The following HAPLN3 variants were observed in gnomAD, a reference collection of about 807,000 sequenced individuals.
The protein encoded by HAPLN3 is hyaluronan and proteoglycan link protein 3.
In HAPLN3, 28 loss-of-function variants were observed where a neutral mutation model predicts 28.1. That is an observed-to-expected ratio of 1.00 (90% CI 0.74 to 1.37). The LOEUF (loss-of-function observed/expected upper bound fraction) is 1.37, where lower values mean the gene tolerates loss of function less well. Ranked by LOEUF, HAPLN3 falls within the 40% of genes most tolerant of loss-of-function variation. HAPLN3 has a pLI of 0.00. For missense variants in HAPLN3, 513 were observed against 504.6 expected (o/e 1.02, Z -0.16); for synonymous variants, 211 against 213.1 (o/e 0.99, Z 0.09).
rs1897636539 is a variant in HAPLN3 at position 88,879,456 on chromosome 15, G to A, written c.494-187C>T. ...CCGCCTCTCTCCTGGGACTCAGCTG[G>A]TTCACAGCAGTACTCAGAAAACATC... On this transcript the variant is annotated intron_variant, in intron 3 of 4. Transcript: ENST00000359595. This position sits in a 1 kb window ranked among gnomAD's most constrained non-coding sequence, Gnocchi z 5.0. 6.5e-7 allele frequency: 1 copy of A among 1,533,494 alleles called. No homozygotes were observed. 95.0% of individuals were successfully genotyped at this position (1,533,494 alleles called of 1,614,324 possible).
intron 1 of HAPLN3, among the ~76,000 whole-genome samples, chr15:88,889,587 C>T (rs1432036900): frequency 1.3e-5 from 2 of 152,194 alleles, no homozygotes; most frequent in South Asian, 4.1e-4. Flanking sequence ...CCGCCCACCT[C>T]GGCCTCCCAA....
chr15:88,891,175 C>T (rs946866292), intron 1 of HAPLN3, among the ~76,000 whole-genome samples: 6 of 151,732 alleles, frequency 4.0e-5, no homozygotes, highest in South Asian at 2.1e-4. Context: ...CCACTGCACC[C>T]GGCCTGCATC....
chr15:88,894,785 A>C (rs957558052), intron 1 of HAPLN3, among the ~76,000 whole-genome samples: 10 of 152,094 alleles, frequency 6.6e-5, no homozygotes, highest in Non-Finnish European at 1.3e-4. Flanking sequence ...CTGTTTCCAT[A>C]CTGGCTGCGC....
At chr15:88,894,608 G>A (rs1459280599) in intron 1 of HAPLN3, among the ~76,000 whole-genome samples, 2 of 152,148 alleles carry the variant, frequency 1.3e-5, no homozygotes, top group East Asian at 1.9e-4. Context: ...CCCGGGCGGC[G>A]TCGAGGGAGA....
rs561605803 is a variant in HAPLN3, at chr15:88,880,053, C to T, written c.494-784G>A. On this transcript the variant is annotated intron_variant, in intron 3 of 4. Transcript: ENST00000359595. The surrounding 1 kb of genome is among the most constrained non-coding windows in gnomAD (Gnocchi z 6.0). The stretch of plus-strand genomic sequence containing the variant: ...AGGAACAGCCTGAGCCCCAAACCTC[C>T]GATCTCACCAGGGCCGGAAGCCAGG... The T allele has an allele frequency of 2.4e-5, 24 of 993,948 alleles. No individual in the cohort carries two copies. Among genetic ancestry groups the T allele is most frequent in the East Asian group, 1.1e-4 (1 of 9,102 alleles). 61.6% of individuals were successfully genotyped at this position (993,948 alleles called of 1,614,324 possible). A position where few individuals can be genotyped will look rare whatever the true frequency, so the allele number is the denominator to read the frequency against.
At chr15:88,889,556 G>C (rs1029268585) in intron 1 of HAPLN3, among the ~76,000 whole-genome samples, 6 of 152,102 alleles carry the variant, frequency 3.9e-5, no homozygotes, top group Non-Finnish European at 7.4e-5. Flanking sequence ...GGCTGGTCTC[G>C]AACTCCTCGC....
chr15:88,895,412 C>T lies in HAPLN3; in HGVS notation c.-48+47G>A, dbSNP rs896374393. 23 of 152,570 alleles carry T rather than the reference C, an allele frequency of 1.5e-4. No individual in the cohort carries two copies. The highest frequency in any genetic ancestry group is 5.1e-4 in the African/African-American group (21 of 41,556). The allele number at this position is 152,570 out of a possible 1,614,324, so 9.5% of individuals were successfully genotyped here. ...CACCCAAAGCGGTAAGGGAGGAACC[C>T]GGCCCGCACACAGCCCCAGAAGCCC... On this transcript the variant is annotated intron_variant, in intron 1 of 4. Coordinates refer to ENST00000359595, the MANE Select transcript of HAPLN3 (RefSeq NM_178232.4). The surrounding 1 kb of genome is among the most constrained non-coding windows in gnomAD (Gnocchi z 5.5).
intron 1 of HAPLN3, among the ~76,000 whole-genome samples, chr15:88,894,049 A>G (rs58737069): frequency 0.026 from 3,941 of 152,168 alleles, 169 homozygotes; most frequent in African/African-American, 0.087. Flanking sequence ...TTGATGCTTG[A>G]TAAGGAGCAA....
chr15:88,894,956 C>T (rs1372347247), intron 1 of HAPLN3, among the ~76,000 whole-genome samples: 1 of 152,232 alleles, frequency 6.6e-6, no homozygotes, highest in African/African-American at 2.4e-5. Context: ...CGCCCAGAGC[C>T]GGCCAGCTGC....
At chr15:88,889,564 C>G (rs8040399) in intron 1 of HAPLN3, among the ~76,000 whole-genome samples, 94,786 of 151,996 alleles carry the variant, frequency 0.62, 30,434 homozygotes, top group African/African-American at 0.78. Flanking sequence ...TCGAACTCCT[C>G]GCCTCGAGTG....
intron 2 of HAPLN3, among the ~76,000 whole-genome samples, chr15:88,886,267 C>A (rs577495491): frequency 1.3e-4 from 19 of 150,086 alleles, no homozygotes; most frequent in Non-Finnish European, 2.5e-4. Flanking sequence ...AGGAGAATCG[C>A]TTGAACCTGG....
At chr15:88,883,436 T>TTC (rs1897761738) in intron 2 of HAPLN3, among the ~76,000 whole-genome samples, 1 of 152,226 alleles carries the variant, frequency 6.6e-6, no homozygotes, top group South Asian at 2.1e-4. Flanking sequence ...AATGGGTTAA[T>TTC]TACAGTCCCT....
chr15:88,892,899 C>T (rs1898049171), intron 1 of HAPLN3: 5 of 1,473,714 alleles, frequency 3.4e-6, no homozygotes, highest in Non-Finnish European at 4.5e-6. Context: ...CATGGCTATC[C>T]AGCCACCAAC....
chr15:88,893,595 C>T (rs1596179948), intron 1 of HAPLN3, among the ~76,000 whole-genome samples: 2 of 152,128 alleles, frequency 1.3e-5, no homozygotes, highest in South Asian at 2.1e-4. Context: ...TTGGACAAGT[C>T]GCTGCACCTC....
chr15:88,894,112 A>G (rs1003341414), intron 1 of HAPLN3, among the ~76,000 whole-genome samples: 3 of 152,180 alleles, frequency 2.0e-5, no homozygotes, highest in African/African-American at 4.8e-5. Context: ...CACACAGTGA[A>G]GTCTTACACC....
At position 88,888,650 on chromosome 15, in the gene HAPLN3, A is replaced by T. The variant is rs991001585; in HGVS notation, c.-47-1305T>A. Among the ~76,000 whole-genome samples the T allele has an allele frequency of 6.6e-6, 1 of 152,122 alleles. No homozygotes were observed. Among genetic ancestry groups the T allele is most frequent in the Non-Finnish European group, 1.5e-5 (1 of 68,024 alleles). On this transcript the variant is annotated intron_variant, in intron 1 of 4. Coordinates refer to ENST00000359595, the MANE Select transcript of HAPLN3 (RefSeq NM_178232.4). The surrounding 1 kb of genome is among the most constrained non-coding windows in gnomAD (Gnocchi z 4.1). ...ACCTGCCATTTACTGCGTGCTCTCA[A>T]CAATTAAAAGATGGGGTCACTCCTT...
In HAPLN3 at chr15:88,881,877, A is replaced by G. The variant is rs1897715675; in HGVS notation, c.125-152T>C. 1 of 725,704 alleles carries G rather than the reference A, an allele frequency of 1.4e-6. No homozygotes were observed. Among genetic ancestry groups the G allele is most frequent in the Non-Finnish European group, 2.2e-6 (1 of 448,930 alleles). The allele number at this position is 725,704 out of a possible 1,614,324, so 45.0% of individuals were successfully genotyped here. A position where few individuals can be genotyped will look rare whatever the true frequency, so the allele number is the denominator to read the frequency against. ...CCCTCCCTGTATCCACATGCTCTGC[A>G]ATGTGACTTTGCATCTCCTTCCATC... On this transcript the variant is annotated intron_variant, in intron 2 of 4. Transcript: ENST00000359595. The surrounding 1 kb of genome is among the most constrained non-coding windows in gnomAD (Gnocchi z 6.0).
chr15:88,891,277 A>C (rs949863564), intron 1 of HAPLN3, among the ~76,000 whole-genome samples: 1 of 151,502 alleles, frequency 6.6e-6, no homozygotes, highest in African/African-American at 2.4e-5. Flanking sequence ...ACAGCTGAGC[A>C]CTTACTCTCT....
rs1041215649 is a variant in HAPLN3 at position 88,879,569 on chromosome 15, G to A, written c.494-300C>T. The A allele has an allele frequency of 1.4e-6, 2 of 1,392,728 alleles. No homozygotes were observed. Among genetic ancestry groups the A allele is most frequent in the South Asian group, 2.5e-5 (2 of 81,026 alleles). The allele number at this position is 1,392,728 out of a possible 1,614,324, so 86.3% of individuals were successfully genotyped here. On this transcript the variant is annotated intron_variant, in intron 3 of 4. Coordinates refer to ENST00000359595, the MANE Select transcript of HAPLN3 (RefSeq NM_178232.4). The surrounding 1 kb of genome is among the most constrained non-coding windows in gnomAD (Gnocchi z 5.0). ...AAGGCTGTCGCCAGACCCCCAGTGA[G>A]GCTGTGCCATCTTCTCCAGACAGGC...
Sources: gnomAD v4.1 joint callset for allele counts (sites outside exome capture counted in the v4.1 genomes callset) on GRCh38, gnomAD v4.1.1 for gene constraint, Gnocchi (gnomAD v3.1) non-coding constraint, MANE v1.5 for transcripts, NCBI Gene and HGNC (gene_info 2026-07-23, HGNC 2026-07-21) for gene names.